Variants in SLIT2 observed in about 807,000 individuals in gnomAD.
SLIT2 encodes slit homolog 2 protein.
A neutral mutation model predicts 185.7 loss-of-function variants in SLIT2; 41 were observed. That is an observed-to-expected ratio of 0.22 (90% CI 0.17 to 0.29). The LOEUF is 0.29. Ranked by LOEUF, SLIT2 falls within the 10% of genes least tolerant of loss-of-function variation. SLIT2 has a pLI of 1.00. For synonymous variants in SLIT2, 693 were observed against 680.2 expected, an observed-to-expected ratio of 1.02 and a Z score of -0.29; for missense variants, 1,571 against 1,909.0, an observed-to-expected ratio of 0.82 and a Z score of 3.30.
chr4:20,257,272 A>G (rs537684355), intron 2 of SLIT2, among the ~76,000 whole-genome samples: 1 of 152,066 alleles, frequency 6.6e-6, no homozygotes, highest in Non-Finnish European at 1.5e-5. Flanking sequence ...AAATTGTTGC[A>G]ATATGATTAC....
At chr4:20,341,332 T>G (rs1720946425) in intron 4 of SLIT2, among the ~76,000 whole-genome samples, 1 of 152,206 alleles carries the variant, frequency 6.6e-6, no homozygotes, top group African/African-American at 2.4e-5. Context: ...GTTTGTACCA[T>G]AACACCTTAT....
At chr4:20,342,048 C>T (rs957542402) in intron 4 of SLIT2, among the ~76,000 whole-genome samples, 4 of 152,088 alleles carry the variant, frequency 2.6e-5, no homozygotes, top group African/African-American at 9.7e-5. Context: ...ATTTTGTGTT[C>T]AGTTCAGTGA....
At chr4:20,530,108 T>TTG (rs1721656931) in intron 16 of SLIT2, among the ~76,000 whole-genome samples, 1 of 151,826 alleles carries the variant, frequency 6.6e-6, no homozygotes, top group African/African-American at 2.4e-5. Flanking sequence ...ATTTTTTTTT[T>TTG]TTTACTCCTA....
At chr4:20,568,324 G>A (rs1420455676) in intron 28 of SLIT2, among the ~76,000 whole-genome samples, 2 of 151,970 alleles carry the variant, frequency 1.3e-5, no homozygotes, top group African/African-American at 4.8e-5. Context: ...ACTCAAGATA[G>A]TTTTATGCCA....
At chr4:20,549,370 A>G (rs576864783) in intron 24 of SLIT2, among the ~76,000 whole-genome samples, 2 of 152,306 alleles carry the variant, frequency 1.3e-5, no homozygotes, top group African/African-American at 4.8e-5. Flanking sequence ...TTATTTGATT[A>G]TATGTAACAT....
At chr4:20,563,682 C>G (rs1194058252) in intron 26 of SLIT2, among the ~76,000 whole-genome samples, 5 of 150,162 alleles carry the variant, frequency 3.3e-5, no homozygotes, top group Admixed American at 2.0e-4. Flanking sequence ...AGATAAACAG[C>G]AAGATCTAAT....
rs528422999 is a variant in SLIT2, at chr4:20,546,982, C to T, written c.2345+883C>T. 2.2e-4 allele frequency among the ~76,000 whole-genome samples: 34 copies of T among 151,938 alleles called. No homozygotes were observed. The South Asian group carries it at 5.8e-3, about 26-fold the overall frequency. ...GCGTAAGAAGCAGATTACTGGTTAA[C>T]GAATTAGAAGGTTTATTTCTAAGTG... On this transcript the variant is annotated intron_variant, in intron 22 of 36. Coordinates refer to ENST00000504154, the MANE Select transcript of SLIT2 (RefSeq NM_004787.4).
chr4:20,443,582 TAAAAAAAAA>T (rs71653885), intron 4 of SLIT2, among the ~76,000 whole-genome samples: 1 of 63,060 alleles, frequency 1.6e-5, no homozygotes, highest in Admixed American at 2.3e-4. Flanking sequence ...GGAGAAAATC[TAAAAAAAAA>T]AAAAAAAAAA....
chr4:20,369,022 C>A (rs1723358043), intron 4 of SLIT2, among the ~76,000 whole-genome samples: 1 of 152,050 alleles, frequency 6.6e-6, no homozygotes, highest in Admixed American at 6.6e-5. Context: ...GTTTTTATTG[C>A]TTTATTTCAG....
At chr4:20,596,267 AT>A in intron 31 of SLIT2, 147 bp from the exon 32 acceptor site, 1 of 730,362 alleles carries the variant, frequency 1.4e-6, no homozygotes, top group Non-Finnish European at 2.2e-6. Flanking sequence ...CACAGTGATG[AT>A]TTTGTTTAAT....
intron 4 of SLIT2, among the ~76,000 whole-genome samples, chr4:20,305,319 G>A (rs1717437454): frequency 6.6e-6 from 1 of 152,054 alleles, no homozygotes; most frequent in Admixed American, 6.6e-5. Flanking sequence ...AAATGGAGAC[G>A]GCTAGATCAC....
chr4:20,598,150 A>G (rs1402403656), intron 32 of SLIT2, 115 bp from the exon 33 acceptor site: 1 of 903,728 alleles, frequency 1.1e-6, no homozygotes. Context: ...TCTCATAGCC[A>G]TCAGGAAAAC....
At chr4:20,437,765 A>T (rs1233394919) in intron 4 of SLIT2, among the ~76,000 whole-genome samples, 3 of 151,876 alleles carry the variant, frequency 2.0e-5, no homozygotes, top group African/African-American at 7.3e-5. Context: ...TACAAAAAAA[A>T]TTAGCTGGGC....
At chr4:20,435,633 C>T (rs569266785) in intron 4 of SLIT2, among the ~76,000 whole-genome samples, 1 of 152,150 alleles carries the variant, frequency 6.6e-6, no homozygotes, top group South Asian at 2.1e-4. Flanking sequence ...TCGTTTAGTG[C>T]AGGCGAAGGA....
At chr4:20,310,656 T>G (rs1307958543) in intron 4 of SLIT2, among the ~76,000 whole-genome samples, 2 of 152,172 alleles carry the variant, frequency 1.3e-5, no homozygotes, top group African/African-American at 4.8e-5. Context: ...TTTGCCCCAA[T>G]TGCTGCAGAG....
intron 4 of SLIT2, among the ~76,000 whole-genome samples, chr4:20,422,101 G>A (rs1024437932): frequency 2.0e-5 from 3 of 151,934 alleles, no homozygotes; most frequent in Non-Finnish European, 2.9e-5. Context: ...TTCATAATAC[G>A]TTTTAATTGT....
intron 4 of SLIT2, among the ~76,000 whole-genome samples, chr4:20,464,361 G>A (rs1403429245): frequency 6.6e-6 from 1 of 152,088 alleles, no homozygotes; most frequent in Non-Finnish European, 1.5e-5. Context: ...GCTGAAATAA[G>A]GATGCATTCC....
chr4:20,506,244 T>C (rs1325836432), intron 9 of SLIT2, among the ~76,000 whole-genome samples: 1 of 152,042 alleles, frequency 6.6e-6, no homozygotes, highest in Non-Finnish European at 1.5e-5. Flanking sequence ...ACTTTCTAAA[T>C]CTATTTTTAC....
intron 4 of SLIT2, among the ~76,000 whole-genome samples, chr4:20,345,485 T>C (rs1721309456): frequency 6.6e-6 from 1 of 151,988 alleles, no homozygotes; most frequent in African/African-American, 2.4e-5. Context: ...TCTGGAATAC[T>C]TATTTCTTTT....
Sources: allele counts gnomAD v4.1 joint callset (sites outside exome capture counted in the v4.1 genomes callset), GRCh38; gene constraint gnomAD v4.1.1; transcripts MANE v1.5; gene names NCBI Gene and HGNC (gene_info 2026-07-23, HGNC 2026-07-21).